PEAK1: variants seen among roughly 807,000 people sequenced by gnomAD.
PEAK1 encodes inactive tyrosine-protein kinase PEAK1.
In PEAK1, 54 loss-of-function variants were observed where a neutral mutation model predicts 124.7. The ratio of observed to expected loss-of-function variants is 0.43; its 90% CI spans 0.35 to 0.54. The LOEUF (loss-of-function observed/expected upper bound fraction) is 0.54. Ranked by LOEUF, PEAK1 falls within the 20% of genes least tolerant of loss-of-function variation. PEAK1 has a pLI of 0.01. For synonymous variants in PEAK1, 719 were observed against 760.0 expected (o/e 0.95, Z 0.89); for missense variants, 2,046 against 2,134.5 (o/e 0.96, Z 0.82).
At chr15:77,276,229 T>G (rs546857222) in intron 5 of PEAK1, among the ~76,000 whole-genome samples, 20 of 152,178 alleles carry the variant, frequency 1.3e-4, no homozygotes, top group African/African-American at 4.8e-4. Context: ...AACCTACAGA[T>G]TCAAGAAGAC....
intron 2 of PEAK1, among the ~76,000 whole-genome samples, chr15:77,364,102 G>A (rs1339268370): frequency 6.6e-6 from 1 of 152,150 alleles, no homozygotes; most frequent in Non-Finnish European, 1.5e-5. Context: ...GGGAGGCTGA[G>A]GTAGGAGAAC....
chr15:77,216,900 T>C (rs1412275060), intron 6 of PEAK1, among the ~76,000 whole-genome samples: 1 of 152,000 alleles, frequency 6.6e-6, no homozygotes, highest in African/African-American at 2.4e-5. Flanking sequence ...TTCGAAGAAT[T>C]GTACAGGAGA....
intron 6 of PEAK1, among the ~76,000 whole-genome samples, chr15:77,230,069 A>C (rs746147312): frequency 5.9e-5 from 9 of 152,200 alleles, no homozygotes; most frequent in Non-Finnish European, 1.3e-4. Context: ...AGATAATTTC[A>C]AGTGAGGGGG....
chr15:77,170,865 C>T (rs1050356047), intron 7 of PEAK1, among the ~76,000 whole-genome samples: 2 of 152,118 alleles, frequency 1.3e-5, no homozygotes, highest in East Asian at 1.9e-4. Context: ...ATTATTCCCC[C>T]ATGTGATGGA....
At chr15:77,384,356 A>C (rs1336432025) in intron 1 of PEAK1, among the ~76,000 whole-genome samples, 1 of 152,212 alleles carries the variant, frequency 6.6e-6, no homozygotes, top group Non-Finnish European at 1.5e-5. Flanking sequence ...TCAGTATGTC[A>C]GTTAAAAACA....
At position 77,179,580 on chromosome 15, in the gene PEAK1, T is replaced by C. The variant is rs1318426041; in HGVS notation, c.2347A>G (p.Thr783Ala). 6.2e-7 allele frequency: 1 copy of C among 1,614,074 alleles called. No homozygotes were observed. The highest frequency in any genetic ancestry group is 1.7e-5 in the Admixed American group (1 of 60,000). The stretch of plus-strand genomic sequence containing the variant: ...CAAGCTTTAGGGCCAGATTGAGGTG[T>C]TTCTGGAGGAGACTGTGGGGGTTGG... ...SIQPPQSPPE[T>A]PQSGPKACSV... The change falls in exon 7 of 10, where the codon ACA becomes GCA. Residue 783 changes from threonine (T) to alanine (A), a missense_variant. Coordinates refer to ENST00000682557, the MANE Select transcript of PEAK1 (RefSeq NM_001385026.1).
chr15:77,114,077 G>T lies in PEAK1; in HGVS notation c.*79C>A. On this transcript the variant is annotated 3_prime_UTR_variant, in exon 10 of 10. Coordinates refer to ENST00000682557, the MANE Select transcript of PEAK1 (RefSeq NM_001385026.1). ...TGCCTTTCTTCTTTCCTTGAATTTG[G>T]AGTGAGCACTAGGGAGGGGAAGTGC... The T allele has an allele frequency of 6.9e-7, 1 of 1,441,242 alleles. No individual in the cohort carries two copies. The highest frequency in any genetic ancestry group is 1.3e-5 in the South Asian group (1 of 78,876). The allele number at this position is 1,441,242 out of a possible 1,614,324, so 89.3% of individuals were successfully genotyped here. A position where few individuals can be genotyped will look rare whatever the true frequency, so the allele number is the denominator to read the frequency against.
intron 2 of PEAK1, among the ~76,000 whole-genome samples, chr15:77,299,338 GT>G (rs1278453837): frequency 6.6e-6 from 1 of 152,136 alleles, no homozygotes; most frequent in Non-Finnish European, 1.5e-5. Flanking sequence ...TTCAAGAATG[GT>G]TTTTTCCCCA....
intron 6 of PEAK1, among the ~76,000 whole-genome samples, chr15:77,201,115 T>C (rs1191648473): frequency 6.6e-6 from 1 of 152,088 alleles, no homozygotes; most frequent in African/African-American, 2.4e-5. Flanking sequence ...TCAAGACTAA[T>C]GTTATTGATT....
At chr15:77,241,242 G>A (rs779197476) in intron 6 of PEAK1, among the ~76,000 whole-genome samples, 13 of 151,962 alleles carry the variant, frequency 8.6e-5, no homozygotes, top group Non-Finnish European at 1.3e-4. Context: ...AAATCCATAT[G>A]ATCATATCAA....
At chr15:77,161,482 A>G (rs2055634930) in intron 7 of PEAK1, among the ~76,000 whole-genome samples, 1 of 152,256 alleles carries the variant, frequency 6.6e-6, no homozygotes, top group Non-Finnish European at 1.5e-5. Context: ...CATCAATTAA[A>G]GTAATTGTCA....
At chr15:77,398,573 G>C (rs2071092048) in intron 1 of PEAK1, among the ~76,000 whole-genome samples, 1 of 142,490 alleles carries the variant, frequency 7.0e-6, no homozygotes, top group African/African-American at 2.5e-5. Context: ...ATTCCTTCAT[G>C]ATAAAAAAAA....
chr15:77,418,306 G>T, intron 1 of PEAK1: 1 of 985,226 alleles, frequency 1.0e-6, no homozygotes, highest in South Asian at 4.7e-5. Context: ...GGGAAAAGAA[G>T]GAACATACAT....
intron 1 of PEAK1, among the ~76,000 whole-genome samples, chr15:77,380,813 A>G (rs1475766779): frequency 1.3e-5 from 2 of 152,130 alleles, no homozygotes; most frequent in Non-Finnish European, 2.9e-5. Context: ...TATTTGCTTG[A>G]CAAGCATCCC....
intron 2 of PEAK1, among the ~76,000 whole-genome samples, chr15:77,291,349 C>T (rs192781248): frequency 1.3e-5 from 2 of 152,226 alleles, no homozygotes; most frequent in African/African-American, 2.4e-5. Context: ...GATATAAATG[C>T]ACACACACAC....
intron 6 of PEAK1, among the ~76,000 whole-genome samples, chr15:77,244,773 G>C (rs1376284984): frequency 6.6e-6 from 1 of 151,914 alleles, no homozygotes; most frequent in African/African-American, 2.4e-5. Flanking sequence ...ATTTTTAGTA[G>C]AGATGGGGTT....
chr15:77,147,114 A>G lies in PEAK1; in HGVS notation c.3331+11389T>C, dbSNP rs113298007. Among the ~76,000 whole-genome samples, 177 of 152,368 alleles carry G rather than the reference A, an allele frequency of 1.2e-3. 2 individuals are homozygous for G. Among genetic ancestry groups the G allele is most frequent in the African/African-American group, 4.1e-3 (171 of 41,592 alleles). On this transcript the variant is annotated intron_variant, in intron 8 of 9. Transcript: ENST00000682557. ...GAAAGGAAACAGAGGCATGGTTTAC[A>G]TAACTCCTTAATTAGGAAACCTATG...
At chr15:77,276,307 A>G (rs1037877089) in intron 5 of PEAK1, among the ~76,000 whole-genome samples, 5 of 152,214 alleles carry the variant, frequency 3.3e-5, no homozygotes, top group African/African-American at 1.2e-4. Flanking sequence ...CAAACTTCTG[A>G]AAACTGAAGA....
chr15:77,367,623 C>T (rs951445586), intron 1 of PEAK1, among the ~76,000 whole-genome samples: 1 of 152,098 alleles, frequency 6.6e-6, no homozygotes, highest in Non-Finnish European at 1.5e-5. Flanking sequence ...ATAGAAGAGG[C>T]TACAAATACA....
Sources: gnomAD v4.1 joint callset for allele counts (sites outside exome capture counted in the v4.1 genomes callset) on GRCh38, gnomAD v4.1.1 for gene constraint, MANE v1.5 for transcripts, NCBI Gene and HGNC (gene_info 2026-07-23, HGNC 2026-07-21) for gene names.